The following TFEC variants were observed in gnomAD, a reference collection of about 807,000 sequenced individuals.
The protein encoded by TFEC is class E basic helix-loop-helix protein 34.
A neutral mutation model predicts 41.6 loss-of-function variants in TFEC; 31 were observed. That is an observed-to-expected ratio of 0.74 (90% CI 0.56 to 1.01). TFEC has a LOEUF of 1.01. Ranked by LOEUF, TFEC falls within the 50% of genes least tolerant of loss-of-function variation. The pLI, the probability that TFEC is intolerant of heterozygous loss-of-function variation, is 0.00. For synonymous variants in TFEC, 143 were observed against 140.6 expected, an observed-to-expected ratio of 1.02 and a Z score of -0.12; for missense variants, 402 against 404.1, an observed-to-expected ratio of 0.99 and a Z score of 0.04.
intron 3 of TFEC, 31 bp from the exon 4 acceptor site, chr7:115,956,824 A>G: frequency 7.0e-7 from 1 of 1,419,132 alleles, no homozygotes; most frequent in Non-Finnish European, 9.6e-7. Context: ...AAAGATTAAT[A>G]AAAACCTTCT....
intron 3 of TFEC, among the ~76,000 whole-genome samples, chr7:116,058,215 A>T (rs1796473367): frequency 6.6e-6 from 1 of 151,808 alleles, no homozygotes; most frequent in Non-Finnish European, 1.5e-5. Context: ...AACACGGATC[A>T]AAAGGCAATT....
intron 3 of TFEC, among the ~76,000 whole-genome samples, chr7:115,960,149 TAGAA>T (rs1792461852): frequency 6.6e-6 from 1 of 151,378 alleles, no homozygotes; most frequent in South Asian, 2.1e-4. Context: ...TCTAAAAGCC[TAGAA>T]AGAAAGATTG....
At chr7:116,126,654 G>C (rs964746956) in intron 1 of TFEC, among the ~76,000 whole-genome samples, 16 of 151,792 alleles carry the variant, frequency 1.1e-4, no homozygotes, top group African/African-American at 3.9e-4. Flanking sequence ...TTAGGGAGGA[G>C]CGTGGATAGA....
chr7:116,138,069 C>A (rs1044710756), intron 1 of TFEC, among the ~76,000 whole-genome samples: 4 of 152,064 alleles, frequency 2.6e-5, no homozygotes, highest in Non-Finnish European at 5.9e-5. Flanking sequence ...TAGCCAAACA[C>A]AACATTCATT....
upstream of TFEC, among the ~76,000 whole-genome samples, chr7:116,032,851 T>A (rs982333442): frequency 1.3e-5 from 2 of 152,100 alleles, no homozygotes; most frequent in African/African-American, 2.4e-5. Context: ...TAAAAATTTT[T>A]AAAAATCATG....
At chr7:116,129,014 GA>G (rs1197143810) in intron 1 of TFEC, among the ~76,000 whole-genome samples, 7 of 148,312 alleles carry the variant, frequency 4.7e-5, no homozygotes, top group Non-Finnish European at 7.5e-5. Context: ...TTATTACATT[GA>G]AAAAAAAACC....
chr7:116,023,041 A>G (rs1012352409), intron 1 of TFEC, among the ~76,000 whole-genome samples: 3 of 152,078 alleles, frequency 2.0e-5, no homozygotes, highest in African/African-American at 4.8e-5. Flanking sequence ...CCGTAATATA[A>G]CAAATAGCTA....
intron 7 of TFEC, 82 bp from the exon 8 acceptor site, chr7:115,941,013 A>T (rs1158243953): frequency 7.8e-6 from 10 of 1,287,832 alleles, no homozygotes; most frequent in Non-Finnish European, 1.1e-5. Context: ...ATAGAATCAA[A>T]ATATTAACAA....
rs116163992 is a variant in TFEC, at chr7:116,131,846, T to C, written c.-68-19808A>G. ...TTACAGTATTAGTACCCTTGAGATATTAACGCACATTAAATATAAAGTGAA... is the reference window on the plus strand; with the variant it reads ...TTACAGTATTAGTACCCTTGAGATACTAACGCACATTAAATATAAAGTGAA... On this transcript the variant is annotated intron_variant, in intron 1 of 8. Transcript: ENST00000484212. Among the ~76,000 whole-genome samples the C allele has an allele frequency of 4.1e-3, 623 of 152,342 alleles. 3 individuals are homozygous for C. The highest frequency in any genetic ancestry group is 0.014 in the African/African-American group (600 of 41,576).
intron 1 of TFEC, among the ~76,000 whole-genome samples, chr7:116,114,308 T>C (rs1797924146): frequency 6.6e-6 from 1 of 151,958 alleles, no homozygotes; most frequent in Admixed American, 6.6e-5. Flanking sequence ...CATTAACTCA[T>C]AGGAAATAGA....
chr7:115,955,162 G>A (rs1792156056), intron 4 of TFEC, among the ~76,000 whole-genome samples: 1 of 151,838 alleles, frequency 6.6e-6, no homozygotes, highest in African/African-American at 2.4e-5. Flanking sequence ...TCCAGTAAAT[G>A]GCACTTCCCT....
chr7:116,023,076 C>A (rs1795459795), intron 1 of TFEC, among the ~76,000 whole-genome samples: 1 of 142,720 alleles, frequency 7.0e-6, no homozygotes, highest in African/African-American at 2.5e-5. Context: ...ATTTCTGGTT[C>A]TTCCAGCAAA....
intron 1 of TFEC, among the ~76,000 whole-genome samples, chr7:115,993,936 C>G (rs567375057): frequency 6.6e-6 from 1 of 152,164 alleles, no homozygotes; most frequent in African/African-American, 2.4e-5. Flanking sequence ...GGAGGCATTA[C>G]GCTATCTGAC....
chr7:116,106,339 G>A (rs1315185052), intron 3 of TFEC, among the ~76,000 whole-genome samples: 1 of 149,134 alleles, frequency 6.7e-6, no homozygotes, highest in Non-Finnish European at 1.5e-5. Flanking sequence ...AACACTTAAA[G>A]TGTCAGCTGA....
chr7:115,968,146 C>T (rs908741880), intron 3 of TFEC: 1 of 1,509,904 alleles, frequency 6.6e-7, no homozygotes, highest in African/African-American at 1.4e-5. Context: ...GTGGTTTCAT[C>T]TCCAAACACT....
chr7:115,944,600 T>C (rs916969022), intron 6 of TFEC, among the ~76,000 whole-genome samples: 12 of 151,732 alleles, frequency 7.9e-5, no homozygotes, highest in Non-Finnish European at 1.6e-4. Context: ...CTTCAGGTAT[T>C]AGCTTTTATT....
intron 2 of TFEC, among the ~76,000 whole-genome samples, chr7:115,983,160 T>C (rs1793702793): frequency 6.6e-6 from 1 of 152,116 alleles, no homozygotes; most frequent in Non-Finnish European, 1.5e-5. Flanking sequence ...TGATTCTACA[T>C]TCATTTTTTA....
chr7:115,950,158 T>C (rs891235547), intron 6 of TFEC, among the ~76,000 whole-genome samples: 1 of 151,768 alleles, frequency 6.6e-6, no homozygotes, highest in Non-Finnish European at 1.5e-5. Flanking sequence ...ATTACAGGCA[T>C]GCACCACCAC....
chr7:116,048,597 C>A (rs996811472), intron 3 of TFEC, among the ~76,000 whole-genome samples: 3 of 152,184 alleles, frequency 2.0e-5, no homozygotes, highest in African/African-American at 7.2e-5. Context: ...TCTAGCAAGG[C>A]AGGCCAACAT....
Sources: gnomAD v4.1 joint callset for allele counts (sites outside exome capture counted in the v4.1 genomes callset) on GRCh38, gnomAD v4.1.1 for gene constraint, MANE v1.5 for transcripts, NCBI Gene and HGNC (gene_info 2026-07-23, HGNC 2026-07-21) for gene names.